The following TMEM163 variants were observed in gnomAD, a reference collection of about 807,000 sequenced individuals.
TMEM163 encodes transmembrane protein 163.
A neutral mutation model predicts 29.3 loss-of-function variants in TMEM163; 17 were observed. That is an observed-to-expected ratio of 0.58 (90% CI 0.40 to 0.87). The LOEUF is 0.87. Among genes scored for constraint, TMEM163 ranks in the 40% least tolerant of loss-of-function variants. The pLI is 0.00. For missense variants in TMEM163, 303 were observed against 381.5 expected (o/e 0.79, Z 1.71); for synonymous variants, 157 against 160.6 (o/e 0.98, Z 0.17).
At chr2:134,473,578 A>G (rs1686852123) in intron 5 of TMEM163, among the ~76,000 whole-genome samples, 1 of 151,770 alleles carries the variant, frequency 6.6e-6, no homozygotes, top group Non-Finnish European at 1.5e-5. Context: ...ACAGAAAATG[A>G]ATAAACAGTA....
intron 4 of TMEM163, among the ~76,000 whole-genome samples, chr2:134,546,144 T>C (rs72984217): frequency 0.019 from 2,834 of 152,272 alleles, 42 homozygotes; most frequent in African/African-American, 0.036. Flanking sequence ...TAAAACAGTA[T>C]AGAGGTTCCT....
chr2:134,490,944 ATGT>A (rs948369492), intron 5 of TMEM163, among the ~76,000 whole-genome samples: 2 of 152,222 alleles, frequency 1.3e-5, no homozygotes, highest in Non-Finnish European at 2.9e-5. Flanking sequence ...TATGAGGATC[ATGT>A]TGTTCATATT....
At chr2:134,493,297 G>A (rs1679469722) in intron 5 of TMEM163, among the ~76,000 whole-genome samples, 1 of 147,122 alleles carries the variant, frequency 6.8e-6, no homozygotes, top group African/African-American at 2.5e-5. Context: ...TCTTGGAAGA[G>A]CAAAAGTTTA....
chr2:134,642,884 A>G (rs991771716), intron 2 of TMEM163, among the ~76,000 whole-genome samples: 3 of 152,110 alleles, frequency 2.0e-5, no homozygotes, highest in African/African-American at 7.2e-5. Context: ...AGGACGTTAG[A>G]TCATTAAATG....
At chr2:134,591,566 A>G (rs1458991104) in intron 2 of TMEM163, among the ~76,000 whole-genome samples, 3 of 152,176 alleles carry the variant, frequency 2.0e-5, no homozygotes, top group Admixed American at 2.0e-4. Context: ...CCTATTAAAG[A>G]TGGAGTTGCT....
intron 3 of TMEM163, 72 bp downstream of exon 3, chr2:134,551,976 G>A (rs2106507990): frequency 8.0e-7 from 1 of 1,248,304 alleles, no homozygotes; most frequent in Non-Finnish European, 1.2e-6. Flanking sequence ...TCATTTGAGG[G>A]CTCAGGGTGA....
At chr2:134,602,029 C>T (rs1682247430) in intron 2 of TMEM163, among the ~76,000 whole-genome samples, 1 of 152,144 alleles carries the variant, frequency 6.6e-6, no homozygotes, top group South Asian at 2.1e-4. Context: ...CAAACTTGTC[C>T]TTCAAGGAGA....
intron 2 of TMEM163, among the ~76,000 whole-genome samples, chr2:134,693,533 C>A (rs945303222): frequency 1.5e-4 from 22 of 148,802 alleles, no homozygotes; most frequent in African/African-American, 5.2e-4. Flanking sequence ...TGCTTGAGCC[C>A]AAGAGGCAGA....
chr2:134,606,501 C>G (rs1462174820), intron 2 of TMEM163, among the ~76,000 whole-genome samples: 1 of 152,228 alleles, frequency 6.6e-6, no homozygotes, highest in African/African-American at 2.4e-5. Context: ...CTGGCCCACC[C>G]TGCAGAATCA....
chr2:134,639,892 T>C (rs1683189211), intron 2 of TMEM163, among the ~76,000 whole-genome samples: 1 of 152,222 alleles, frequency 6.6e-6, no homozygotes, highest in African/African-American at 2.4e-5. Context: ...TAGCATTAAA[T>C]TCAGCAAGCC....
At chr2:134,680,789 C>T (rs2104875235) in intron 2 of TMEM163, among the ~76,000 whole-genome samples, 1 of 152,210 alleles carries the variant, frequency 6.6e-6, no homozygotes, top group East Asian at 1.9e-4. Context: ...GCACTGGAGC[C>T]AGAGAGGGGT....
At chr2:134,603,983 G>GCCCCTCTCAAAGGT in intron 2 of TMEM163, among the ~76,000 whole-genome samples, 1 of 152,010 alleles carries the variant, frequency 6.6e-6, no homozygotes, top group Non-Finnish European at 1.5e-5. Flanking sequence ...CCACTCTGCA[G>GCCCCTCTCAAAGGT]CCCCTCTCAA....
At chr2:134,580,666 C>G (rs547413695) in intron 2 of TMEM163, among the ~76,000 whole-genome samples, 3 of 152,218 alleles carry the variant, frequency 2.0e-5, no homozygotes, top group African/African-American at 7.2e-5. Flanking sequence ...AATCCCAGCA[C>G]TTTGGGAGGC....
intron 2 of TMEM163, among the ~76,000 whole-genome samples, chr2:134,691,031 TG>T (rs1349647848): frequency 1.3e-5 from 2 of 152,146 alleles, no homozygotes; most frequent in Admixed American, 1.3e-4. Flanking sequence ...GCGCTCACAG[TG>T]TGGCTGGCGG....
intron 2 of TMEM163, among the ~76,000 whole-genome samples, chr2:134,701,960 A>ATCTC (rs2104892562): frequency 6.6e-6 from 1 of 151,528 alleles, no homozygotes; most frequent in Admixed American, 6.6e-5. Context: ...GAAGGCTGAA[A>ATCTC]TCTCCATCCT....
intron 4 of TMEM163, among the ~76,000 whole-genome samples, chr2:134,544,918 G>T (rs749074296): frequency 6.6e-6 from 1 of 152,104 alleles, no homozygotes; most frequent in Admixed American, 6.5e-5. Context: ...AGCCATCGCC[G>T]CTGAGCATCT....
At chr2:134,706,912 C>T (rs1248913476) in intron 2 of TMEM163, among the ~76,000 whole-genome samples, 1 of 152,168 alleles carries the variant, frequency 6.6e-6, no homozygotes, top group Admixed American at 6.5e-5. Flanking sequence ...TCCCTGATCA[C>T]GTGGCCACAG....
At chr2:134,704,987 A>G (rs1288051073) in intron 2 of TMEM163, among the ~76,000 whole-genome samples, 1 of 152,074 alleles carries the variant, frequency 6.6e-6, no homozygotes, top group Non-Finnish European at 1.5e-5. Context: ...GTGGGGGCAG[A>G]TCACCTGAGG....
At chr2:134,629,344 T>G (rs915919526) in intron 2 of TMEM163, among the ~76,000 whole-genome samples, 9 of 152,206 alleles carry the variant, frequency 5.9e-5, no homozygotes, top group African/African-American at 2.2e-4. Flanking sequence ...TATTAATCGT[T>G]TCTTCTCAGA....
Sources: allele counts gnomAD v4.1 joint callset (sites outside exome capture counted in the v4.1 genomes callset), GRCh38; gene constraint gnomAD v4.1.1; transcripts MANE v1.5; gene names NCBI Gene and HGNC (gene_info 2026-07-23, HGNC 2026-07-21).